The following MED14 variants were observed in gnomAD, a reference collection of about 807,000 sequenced individuals.
The protein encoded by MED14 is mediator of RNA polymerase II transcription subunit 14.
A neutral mutation model predicts 109.0 loss-of-function variants in MED14; 8 were observed. The observed-to-expected ratio is 0.07, with a 90% CI of 0.04 to 0.13. The LOEUF (loss-of-function observed/expected upper bound fraction) is 0.13. Among genes scored for constraint, MED14 ranks in the 10% least tolerant of loss-of-function variants. The pLI is 1.00. For synonymous variants in MED14, 399 were observed against 408.7 expected (o/e 0.98, Z 0.29); for missense variants, 711 against 1,142.4 (o/e 0.62, Z 5.44).
intron 20 of MED14, 116 bp from the exon 21 acceptor site, chrX:40,680,249 A>C: frequency 1.3e-6 from 1 of 761,829 alleles, no homozygotes; most frequent in Non-Finnish European, 1.9e-6. Context: ...CATTCCATAA[A>C]ACTTCCCCTT....
At chrX:40,724,584 G>A (rs1033604705) in intron 3 of MED14, among the ~76,000 whole-genome samples, 3 of 111,794 alleles carry the variant, frequency 2.7e-5, no homozygotes, top group African/African-American at 6.5e-5. Flanking sequence ...TGAACGGTGA[G>A]TCAATGAACA....
At chrX:40,728,840 C>CA (rs1183936985) in intron 2 of MED14, among the ~76,000 whole-genome samples, 3 of 108,343 alleles carry the variant, frequency 2.8e-5, no homozygotes, top group Non-Finnish European at 3.8e-5. Context: ...TTTTTTGAGA[C>CA]AAAGTTTTGC....
In MED14 at chrX:40,648,682, A is replaced by C. The variant is rs1928750557; in HGVS notation, c.*3124T>G. The C allele has an allele frequency of 8.9e-6, 1 of 112,568 alleles. No individual in the cohort carries two copies. Among genetic ancestry groups the C allele is most frequent in the Non-Finnish European group, 1.9e-5 (1 of 53,285 alleles). 9.3% of individuals were successfully genotyped at this position (112,568 alleles called of 1,213,427 possible). On this transcript the variant is annotated 3_prime_UTR_variant, in exon 31 of 31. Transcript: ENST00000324817. ...CTTGCTATTATTTTATATTGACCTAAATATGCCCTTTCATCAATCAGTTAT... is the reference window on the plus strand; with the variant it reads ...CTTGCTATTATTTTATATTGACCTACATATGCCCTTTCATCAATCAGTTAT...
At chrX:40,731,140 C>CAAAA (rs34609114) in intron 1 of MED14, among the ~76,000 whole-genome samples, 1 of 92,805 alleles carries the variant, frequency 1.1e-5, no homozygotes, top group East Asian at 3.4e-4. Context: ...GACCCTGTCT[C>CAAAA]AAAAAAAAAA....
intron 10 of MED14, among the ~76,000 whole-genome samples, chrX:40,709,059 C>T (rs181324931): frequency 6.6e-4 from 74 of 111,406 alleles, no homozygotes; most frequent in African/African-American, 2.3e-3. Flanking sequence ...CCTTACATCT[C>T]GGCCTCCCAA....
chrX:40,712,336 G>T, intron 6 of MED14, 43 bp from the exon 7 acceptor site: 1 of 931,131 alleles, frequency 1.1e-6, no homozygotes, highest in Non-Finnish European at 1.5e-6. Context: ...TTAAATAGGT[G>T]TACAAGTGTG....
rs781728165 is a variant in MED14 at position 40,709,332 on chromosome X, A to G, written c.1285+16T>C. Reference sequence around the variant, plus strand: ...TTAAACAAAAGAAAAACAAATGTCAATTTAAAAGAACCTACAGTTTTCATT... The same window carrying G: ...TTAAACAAAAGAAAAACAAATGTCAGTTTAAAAGAACCTACAGTTTTCATT... On this transcript the variant is annotated intron_variant, in intron 10 of 30. Transcript: ENST00000324817. 16 of 874,477 alleles carry G rather than the reference A, an allele frequency of 1.8e-5. No homozygotes were observed. In the African/African-American group the frequency reaches 2.5e-4, roughly 13 times the overall value. 72.1% of individuals were successfully genotyped at this position (874,477 alleles called of 1,213,427 possible). A position where few individuals can be genotyped will look rare whatever the true frequency, so the allele number is the denominator to read the frequency against.
intron 1 of MED14, among the ~76,000 whole-genome samples, chrX:40,732,838 G>C (rs972375196): frequency 9.0e-6 from 1 of 110,764 alleles, no homozygotes; most frequent in African/African-American, 3.3e-5. Flanking sequence ...AAGCAAAGAG[G>C]AGAGTTTCAG....
chrX:40,698,010 GAC>G (rs1043070415), intron 12 of MED14, among the ~76,000 whole-genome samples: 37 of 111,919 alleles, frequency 3.3e-4, no homozygotes, highest in African/African-American at 1.2e-3. Context: ...TTCATTGAAA[GAC>G]AAATTTAACT....
chrX:40,670,096 A>G lies in MED14; in HGVS notation c.3133+1765T>C, dbSNP rs1168965828. On this transcript the variant is annotated intron_variant, in intron 23 of 30. Transcript: ENST00000324817. ...TTTTTTAAAACGACACCACTGAAGT[A>G]ATGTGAAGAGCAATATGAGTGGCTA... Among the ~76,000 whole-genome samples the G allele has an allele frequency of 1.1e-4, 12 of 111,982 alleles. 1 individual carries two copies. In the Admixed American group the frequency reaches 1.1e-3, roughly 11 times the overall value.
chrX:40,660,174 A>T (rs955390960), intron 26 of MED14, among the ~76,000 whole-genome samples: 10 of 111,840 alleles, frequency 8.9e-5, no homozygotes, highest in African/African-American at 3.2e-4. Context: ...GACATATGCA[A>T]AAATTTTTAT....
rs781342543 is a variant in MED14 at position 40,692,191 on chromosome X, G to A, written c.1972C>T (p.Arg658Trp). The A allele has an allele frequency of 2.5e-6, 3 of 1,204,739 alleles. No individual in the cohort carries two copies. Among genetic ancestry groups the A allele is most frequent in the African/African-American group, 1.8e-5 (1 of 56,560 alleles). ...TGTTCCAAAAAACTTACCTCCAACCGAAGTCCTACAAATGGCATATTTGTA... is the reference window on the plus strand; with the variant it reads ...TGTTCCAAAAAACTTACCTCCAACCAAAGTCCTACAAATGGCATATTTGTA... ...CDTNMPFVGL[R>W]LELSNLEIPH... is the part of the protein sequence containing the mutation. Residue 658 changes from arginine to tryptophan, a missense_variant, in exon 15 of 31, where the codon CGG (arginine) becomes TGG (tryptophan). By Grantham distance (101) the Arg-to-Trp change is moderately radical (BLOSUM62 -3). Around this residue, in one of 8 missense-constraint regions of MED14, gnomAD observed 388 missense variants for 517.3 expected, o/e 0.75. Transcript: ENST00000324817.
intron 1 of MED14, among the ~76,000 whole-genome samples, chrX:40,731,375 CAT>C (rs1331434703): frequency 9.0e-6 from 1 of 111,228 alleles, no homozygotes; most frequent in Non-Finnish European, 1.9e-5. Context: ...CCTAAAGACT[CAT>C]AAAGTATACC....
At chrX:40,701,821 T>C (rs1335175818) in intron 11 of MED14, among the ~76,000 whole-genome samples, 4 of 111,110 alleles carry the variant, frequency 3.6e-5, no homozygotes, top group Non-Finnish European at 7.5e-5. Flanking sequence ...GGACAAAGTA[T>C]AGAAAAAATT....
chrX:40,708,477 T>A (rs1931226416), intron 10 of MED14, among the ~76,000 whole-genome samples: 1 of 112,291 alleles, frequency 8.9e-6, no homozygotes, highest in Non-Finnish European at 1.9e-5. Context: ...TATAATGGAT[T>A]GAGCTGAGCT....
chrX:40,676,917 T>C (rs1929927073), intron 21 of MED14, among the ~76,000 whole-genome samples: 1 of 111,693 alleles, frequency 9.0e-6, no homozygotes, highest in African/African-American at 3.3e-5. Context: ...AATTACCCAG[T>C]CTTGGGTAGT....
At chrX:40,727,641 T>G (rs1931935699) in intron 2 of MED14, among the ~76,000 whole-genome samples, 1 of 111,730 alleles carries the variant, frequency 9.0e-6, no homozygotes, top group Admixed American at 9.5e-5. Flanking sequence ...ATAAAACTGA[T>G]AATCATATCT....
chrX:40,697,496 G>T (rs1930763304), intron 12 of MED14, among the ~76,000 whole-genome samples: 1 of 111,701 alleles, frequency 9.0e-6, no homozygotes, highest in African/African-American at 3.3e-5. Context: ...TTTAAAGACA[G>T]CACCAACTAA....
In MED14 at chrX:40,650,014, A is replaced by G; in HGVS notation, c.*1792T>C. ...ACTCTTAATAAAATTATTTGAAACA[A>G]TATTATCCTGCAGATAAAAATACAT... On this transcript the variant is annotated 3_prime_UTR_variant, in exon 31 of 31. Transcript: ENST00000324817. The G allele has an allele frequency of 1.3e-5, 10 of 741,274 alleles. No homozygotes were observed. The highest frequency in any genetic ancestry group is 1.6e-5 in the Non-Finnish European group (10 of 627,032). The allele number at this position is 741,274 out of a possible 1,213,427, so 61.1% of individuals were successfully genotyped here.
Sources: gnomAD v4.1 joint callset for allele counts (sites outside exome capture counted in the v4.1 genomes callset) on GRCh38, gnomAD v4.1.1 for gene constraint, gnomAD v4.1.1 regional missense constraint, MANE v1.5 for transcripts, NCBI Gene and HGNC (gene_info 2026-07-23, HGNC 2026-07-21) for gene names.